ATXN7L1: variants seen among roughly 807,000 people sequenced by gnomAD.
ATXN7L1 encodes ataxin 7 like 1.
Under a neutral mutation model 70.8 loss-of-function variants are expected in ATXN7L1, and 15 were observed. That is an observed-to-expected ratio of 0.21 (90% confidence interval 0.14 to 0.33). The LOEUF is 0.33. Ranked by LOEUF, ATXN7L1 falls within the 10% of genes least tolerant of loss-of-function variation. ATXN7L1 has a pLI of 1.00. For synonymous variants in ATXN7L1, 440 were observed against 445.1 expected (o/e 0.99, Z 0.14); for missense variants, 975 against 1,097.1 (o/e 0.89, Z 1.57).
At chr7:105,708,205 C>T (rs778391142) in intron 3 of ATXN7L1, among the ~76,000 whole-genome samples, 13 of 152,102 alleles carry the variant, frequency 8.5e-5, no homozygotes, top group Admixed American at 3.3e-4. Context: ...CGTACTGTTC[C>T]GTGTCTGCAT....
At position 105,639,609 on chromosome 7, in the gene ATXN7L1, G is replaced by T. The variant is rs530716951; in HGVS notation, c.863-40C>A. On this transcript the variant is annotated intron_variant, in intron 5 of 11. Transcript: ENST00000419735. ...AAACAAAAAATATAAGAAAAAAGGA[G>T]ACTAAATAGGATTTGGCATTAAGAC... 2.1e-6 allele frequency: 3 copies of T among 1,417,348 alleles called. No homozygotes were observed. In the African/African-American group the frequency reaches 4.3e-5, roughly 20 times the overall value. 87.8% of individuals were successfully genotyped at this position (1,417,348 alleles called of 1,614,324 possible).
intron 7 of ATXN7L1, among the ~76,000 whole-genome samples, chr7:105,638,061 C>T (rs1157001037): frequency 6.6e-6 from 1 of 152,170 alleles, no homozygotes; most frequent in Non-Finnish European, 1.5e-5. Flanking sequence ...TGTAAAAACA[C>T]ACACTGTCTG....
intron 3 of ATXN7L1, among the ~76,000 whole-genome samples, chr7:105,730,043 C>T (rs1220271452): frequency 2.6e-5 from 4 of 152,126 alleles, no homozygotes; most frequent in Non-Finnish European, 5.9e-5. Context: ...GGCCCCTCCC[C>T]ACTTCTTAAG....
At chr7:105,640,675 C>T (rs1798050515) in intron 5 of ATXN7L1, among the ~76,000 whole-genome samples, 1 of 152,224 alleles carries the variant, frequency 6.6e-6, no homozygotes, top group Non-Finnish European at 1.5e-5. Context: ...GAGGCATGCA[C>T]CACCACACCT....
At chr7:105,764,990 C>CTA (rs1195842634) in intron 3 of ATXN7L1, among the ~76,000 whole-genome samples, 2 of 152,080 alleles carry the variant, frequency 1.3e-5, no homozygotes, top group Non-Finnish European at 2.9e-5. Context: ...AATGAACAAA[C>CTA]TATTCAGTGT....
intron 3 of ATXN7L1, among the ~76,000 whole-genome samples, chr7:105,772,281 C>A (rs1802126726): frequency 6.6e-6 from 1 of 151,872 alleles, no homozygotes; most frequent in African/African-American, 2.4e-5. Context: ...ACCATGTTGG[C>A]CAGGCTGGTC....
intron 3 of ATXN7L1, among the ~76,000 whole-genome samples, chr7:105,703,032 C>A (rs540729078): frequency 2.6e-5 from 4 of 152,186 alleles, no homozygotes; most frequent in African/African-American, 9.6e-5. Context: ...AGGAGAATGG[C>A]GTGAACCTAG....
chr7:105,751,402 C>T (rs530491), intron 3 of ATXN7L1, among the ~76,000 whole-genome samples: 351 of 152,188 alleles, frequency 2.3e-3, no homozygotes, highest in African/African-American at 7.5e-3. Flanking sequence ...TCATGCCTGA[C>T]GGGTGAATCA....
chr7:105,808,954 C>T (rs894328483), intron 2 of ATXN7L1, among the ~76,000 whole-genome samples: 2 of 152,234 alleles, frequency 1.3e-5, no homozygotes. Context: ...GTCCAACCTA[C>T]GGGGCATAGA....
intron 3 of ATXN7L1, among the ~76,000 whole-genome samples, chr7:105,775,765 T>G (rs1430124069): frequency 4.6e-5 from 7 of 152,194 alleles, no homozygotes; most frequent in Admixed American, 4.6e-4. Context: ...TAGGCCCACG[T>G]TCTTAGGAAA....
At chr7:105,851,064 C>T (rs1365862254) in intron 2 of ATXN7L1, among the ~76,000 whole-genome samples, 1 of 152,122 alleles carries the variant, frequency 6.6e-6, no homozygotes, top group Non-Finnish European at 1.5e-5. Flanking sequence ...ATGTGTATCC[C>T]ACAATGATTT....
chr7:105,620,115 G>A, intron 9 of ATXN7L1, 85 bp downstream of exon 9: 2 of 1,470,942 alleles, frequency 1.4e-6, no homozygotes, highest in Non-Finnish European at 1.8e-6. Flanking sequence ...TGAAAAGTCA[G>A]CCACTGACAT....
chr7:105,624,689 A>T (rs1217992565), intron 7 of ATXN7L1, among the ~76,000 whole-genome samples: 1 of 151,336 alleles, frequency 6.6e-6, no homozygotes. Flanking sequence ...CCTTGCCAGT[A>T]CCTCAGGGAG....
At chr7:105,724,655 G>A (rs536252193) in intron 3 of ATXN7L1, among the ~76,000 whole-genome samples, 4 of 150,072 alleles carry the variant, frequency 2.7e-5, no homozygotes, top group Admixed American at 1.3e-4. Context: ...ATGGGAGGCC[G>A]AGGCGGGCGG....
chr7:105,620,023 C>T (rs1156644625), intron 9 of ATXN7L1, among the ~76,000 whole-genome samples, 177 bp downstream of exon 9: 1 of 152,204 alleles, frequency 6.6e-6, no homozygotes, highest in Non-Finnish European at 1.5e-5. Flanking sequence ...TCGTGTTTCT[C>T]AAAACCTTCA....
chr7:105,862,765 C>G (rs1303189750), intron 2 of ATXN7L1, among the ~76,000 whole-genome samples: 1 of 152,122 alleles, frequency 6.6e-6, no homozygotes, highest in Non-Finnish European at 1.5e-5. Flanking sequence ...AGGGCAATCA[C>G]TATAAAATGC....
intron 2 of ATXN7L1, among the ~76,000 whole-genome samples, chr7:105,816,612 G>A (rs566041065): frequency 3.9e-4 from 60 of 152,332 alleles, no homozygotes; most frequent in African/African-American, 1.4e-3. Flanking sequence ...CAGCCAAGAA[G>A]TTTCCCAACA....
chr7:105,700,902 G>A (rs575601917), intron 3 of ATXN7L1, among the ~76,000 whole-genome samples: 65 of 152,192 alleles, frequency 4.3e-4, no homozygotes, highest in Non-Finnish European at 7.6e-4. Flanking sequence ...GGCTGCTCTC[G>A]AACTCCTGAG....
At chr7:105,819,802 T>G in intron 2 of ATXN7L1, 1 of 651,520 alleles carries the variant, frequency 1.5e-6, no homozygotes, top group Non-Finnish European at 2.9e-6. Context: ...CCTCAAGGTG[T>G]TTGACGGCAT....
Sources: allele counts gnomAD v4.1 joint callset (sites outside exome capture counted in the v4.1 genomes callset), GRCh38; gene constraint gnomAD v4.1.1; transcripts MANE v1.5; gene names NCBI Gene and HGNC (gene_info 2026-07-23, HGNC 2026-07-21).